The following CNTN3 variants were observed in gnomAD, a reference collection of about 807,000 sequenced individuals.
CNTN3 encodes contactin-3.
In CNTN3, 60 loss-of-function variants were observed where a neutral mutation model predicts 119.1. The ratio of observed to expected loss-of-function variants is 0.50; its 90% CI spans 0.41 to 0.62. The LOEUF (loss-of-function observed/expected upper bound fraction) is 0.62. Among genes scored for constraint, CNTN3 ranks in the 20% least tolerant of loss-of-function variants. CNTN3 has a pLI of 0.00. For missense variants in CNTN3, 1,101 were observed against 1,242.4 expected (o/e 0.89, Z 1.71); for synonymous variants, 450 against 438.7 (o/e 1.03, Z -0.32).
chr3:74,576,792 A>G (rs1232802239), intron 1 of CNTN3, among the ~76,000 whole-genome samples: 1 of 151,874 alleles, frequency 6.6e-6, no homozygotes, highest in Non-Finnish European at 1.5e-5. Context: ...CTGTTTTTTT[A>G]CTAGTGCATG....
At chr3:74,606,146 A>T (rs571163991) in intron 1 of CNTN3, among the ~76,000 whole-genome samples, 1 of 152,124 alleles carries the variant, frequency 6.6e-6, no homozygotes, top group Non-Finnish European at 1.5e-5. Context: ...AAACACAACC[A>T]AAAGCAAACA....
intron 5 of CNTN3, among the ~76,000 whole-genome samples, chr3:74,398,652 A>C (rs1171543999): frequency 1.3e-5 from 2 of 152,194 alleles, no homozygotes; most frequent in Non-Finnish European, 2.9e-5. Flanking sequence ...AAATTCATTT[A>C]GATCAACTTT....
intron 3 of CNTN3, among the ~76,000 whole-genome samples, chr3:74,498,142 CAT>C (rs1243362932): frequency 2.6e-5 from 4 of 151,806 alleles, no homozygotes; most frequent in African/African-American, 4.8e-5. Flanking sequence ...ACAGCCCACA[CAT>C]GAGTCATTCA....
At chr3:74,495,554 T>C (rs1703046471) in intron 3 of CNTN3, among the ~76,000 whole-genome samples, 1 of 152,030 alleles carries the variant, frequency 6.6e-6, no homozygotes, top group Non-Finnish European at 1.5e-5. Context: ...TATTACTGTG[T>C]CAATATATAG....
chr3:74,589,963 G>T (rs533825686), intron 1 of CNTN3, among the ~76,000 whole-genome samples: 3 of 119,076 alleles, frequency 2.5e-5, no homozygotes, highest in African/African-American at 3.3e-5. Context: ...GTTGTGGGGT[G>T]GGGGGGAGGG....
intron 13 of CNTN3, among the ~76,000 whole-genome samples, chr3:74,327,396 C>T (rs998176067): frequency 4.6e-5 from 7 of 151,814 alleles, no homozygotes; most frequent in South Asian, 4.2e-4. Context: ...TCAAAGTGCT[C>T]GTATTACAGG....
At chr3:74,429,433 A>G (rs1050020946) in intron 4 of CNTN3, among the ~76,000 whole-genome samples, 4 of 127,546 alleles carry the variant, frequency 3.1e-5, no homozygotes, top group Non-Finnish European at 7.3e-5. Context: ...AATTCAATGG[A>G]AGGAGAGAAA....
chr3:74,602,601 T>A (rs1704929483), intron 1 of CNTN3, among the ~76,000 whole-genome samples: 2 of 152,106 alleles, frequency 1.3e-5, no homozygotes, highest in South Asian at 4.1e-4. Flanking sequence ...TCAGATTACT[T>A]GATTAGATAA....
At chr3:74,361,833 C>T (rs1704079409) in intron 11 of CNTN3, 57 bp downstream of exon 11, 1 of 1,517,360 alleles carries the variant, frequency 6.6e-7, no homozygotes, top group Non-Finnish European at 8.9e-7. Flanking sequence ...CCTATGTTGA[C>T]ATCAGTATGG....
At chr3:74,353,969 G>A (rs1703875654) in intron 11 of CNTN3, among the ~76,000 whole-genome samples, 1 of 151,888 alleles carries the variant, frequency 6.6e-6, no homozygotes, top group African/African-American at 2.4e-5. Context: ...CCCAGCCTCT[G>A]GCAAGCAGTG....
Position 74,362,034 on chromosome 3 carries a change from G to A in CNTN3, c.1220C>T (p.Ala407Val), listed in dbSNP as rs1704084952. ...CATTGGATTCTTTGAAAAATCTGGA[G>A]CAGAAGCTGAAAGGCAAGAAAGGAG... is the stretch of plus-strand genomic sequence containing the variant. Reference protein sequence around the residue: ...SSAELKVVASAPDFSKNPMKK... With the variant: ...SSAELKVVASVPDFSKNPMKK... The change falls in exon 11 of 23, where the codon GCT (alanine) becomes GTT (valine). Residue 407 changes from alanine (A) to valine (V), a missense_variant. Physicochemically the swap from Ala to Val is moderately conservative, Grantham distance 64. Coordinates refer to ENST00000263665, the MANE Select transcript of CNTN3 (RefSeq NM_020872.3). The A allele has an allele frequency of 6.2e-7, 1 of 1,612,840 alleles. No homozygotes were observed. The highest frequency in any genetic ancestry group is 1.7e-5 in the Admixed American group (1 of 59,900).
chr3:74,268,367 C>A (rs984399061), intron 20 of CNTN3, among the ~76,000 whole-genome samples: 1 of 152,112 alleles, frequency 6.6e-6, no homozygotes, highest in Non-Finnish European at 1.5e-5. Flanking sequence ...GATTTAACCA[C>A]AGAATGTGAT....
intron 19 of CNTN3, among the ~76,000 whole-genome samples, chr3:74,289,287 G>A (rs539382823): frequency 3.3e-5 from 5 of 152,172 alleles, no homozygotes; most frequent in Non-Finnish European, 7.4e-5. Flanking sequence ...AAGCATTTGG[G>A]GAAGAAATGT....
chr3:74,418,092 T>C (rs1701554152), intron 5 of CNTN3, among the ~76,000 whole-genome samples: 1 of 152,262 alleles, frequency 6.6e-6, no homozygotes, highest in African/African-American at 2.4e-5. Context: ...TTGCACCTGC[T>C]CCTTTAGGGA....
At position 74,482,131 on chromosome 3, in the gene CNTN3, C is replaced by T. The variant is rs74820661; in HGVS notation, c.358+4325G>A. ...GTGAACAGAAAAAATAAGGAATAAT[C>T]TCCAGGTCACTTTTAGAGGTGAAAA... On this transcript the variant is annotated intron_variant, in intron 4 of 22. Coordinates refer to ENST00000263665, the MANE Select transcript of CNTN3 (RefSeq NM_020872.3). Among the ~76,000 whole-genome samples the T allele has an allele frequency of 6.6e-3, 996 of 151,986 alleles. 10 individuals carry two copies. Among genetic ancestry groups the T allele is most frequent in the African/African-American group, 0.021 (886 of 41,522 alleles).
intron 1 of CNTN3, among the ~76,000 whole-genome samples, chr3:74,596,703 A>G (rs1704817594): frequency 6.6e-6 from 1 of 152,070 alleles, no homozygotes; most frequent in Non-Finnish European, 1.5e-5. Flanking sequence ...TAAACAATGC[A>G]TACCAAAAAA....
chr3:74,372,488 T>C (rs927420482), intron 5 of CNTN3, among the ~76,000 whole-genome samples: 11 of 152,164 alleles, frequency 7.2e-5, no homozygotes, highest in Non-Finnish European at 1.0e-4. Flanking sequence ...ACGGTTACTG[T>C]GGTTGGCTTA....
intron 1 of CNTN3, among the ~76,000 whole-genome samples, chr3:74,598,892 G>T (rs1360595277): frequency 6.6e-6 from 1 of 151,960 alleles, no homozygotes; most frequent in African/African-American, 2.4e-5. Flanking sequence ...GCAAGCAAAA[G>T]GCAAATATAA....
intron 1 of CNTN3, among the ~76,000 whole-genome samples, chr3:74,596,605 A>G (rs1261370640): frequency 6.6e-6 from 1 of 152,148 alleles, no homozygotes; most frequent in Non-Finnish European, 1.5e-5. Context: ...CCTATTTAAT[A>G]AATGGTGCTG....
Sources: gnomAD v4.1 joint callset for allele counts (sites outside exome capture counted in the v4.1 genomes callset) on GRCh38, gnomAD v4.1.1 for gene constraint, MANE v1.5 for transcripts, NCBI Gene and HGNC (gene_info 2026-07-23, HGNC 2026-07-21) for gene names.